ASTN2: variants seen among roughly 807,000 people sequenced by gnomAD.
ASTN2 encodes astrotactin-2.
ASTN2 carries 54 observed loss-of-function variants against 139.8 expected under a neutral mutation model. That is an observed-to-expected ratio of 0.39 (90% confidence interval 0.31 to 0.48). The LOEUF is 0.48. Ranked by LOEUF, ASTN2 falls within the 20% of genes least tolerant of loss-of-function variation. The pLI is 0.95. For synonymous variants in ASTN2, 756 were observed against 719.5 expected (o/e 1.05, Z -0.81); for missense variants, 1,565 against 1,725.1 (o/e 0.91, Z 1.64).
chr9:117,062,743 T>C (rs1839329841), intron 5 of ASTN2, among the ~76,000 whole-genome samples: 1 of 152,228 alleles, frequency 6.6e-6, no homozygotes, highest in Non-Finnish European at 1.5e-5. Flanking sequence ...GCATACTATA[T>C]AGAAATACAG....
chr9:116,638,515 T>C (rs1857178071), intron 17 of ASTN2, among the ~76,000 whole-genome samples: 2 of 144,782 alleles, frequency 1.4e-5, no homozygotes, highest in Non-Finnish European at 1.5e-5. Flanking sequence ...GGTTTTTCAA[T>C]ATGGGCTGTG....
intron 3 of ASTN2, among the ~76,000 whole-genome samples, chr9:117,176,523 T>G (rs1830921688): frequency 6.6e-6 from 1 of 152,142 alleles, no homozygotes; most frequent in South Asian, 2.1e-4. Context: ...TAAAAGTAAT[T>G]TGTAACTAAA....
chr9:117,342,788 T>C (rs904341222), intron 1 of ASTN2, among the ~76,000 whole-genome samples: 1 of 152,150 alleles, frequency 6.6e-6, no homozygotes, highest in Non-Finnish European at 1.5e-5. Flanking sequence ...GGTTAACAAA[T>C]AACAATGCGG....
chr9:117,004,229 C>T (rs1837291623), intron 7 of ASTN2, among the ~76,000 whole-genome samples: 2 of 152,034 alleles, frequency 1.3e-5, no homozygotes, highest in Admixed American at 6.6e-5. Flanking sequence ...AAGCAACCCT[C>T]CCACCTCAGC....
At chr9:117,285,684 C>G (rs555547810) in intron 2 of ASTN2, among the ~76,000 whole-genome samples, 23 of 152,168 alleles carry the variant, frequency 1.5e-4, no homozygotes, top group South Asian at 6.2e-4. Context: ...TTTGCCTGCA[C>G]AAACTCAGGG....
At chr9:116,879,482 A>G (rs1833395274) in intron 10 of ASTN2, among the ~76,000 whole-genome samples, 2 of 152,112 alleles carry the variant, frequency 1.3e-5, no homozygotes, top group African/African-American at 4.8e-5. Context: ...TGCTGAGAAA[A>G]CCAACAACTT....
intron 6 of ASTN2, among the ~76,000 whole-genome samples, chr9:117,036,264 T>C (rs772934798): frequency 6.6e-6 from 1 of 152,230 alleles, no homozygotes; most frequent in Non-Finnish European, 1.5e-5. Context: ...GATTCCATTA[T>C]GCCTGGAGAC....
intron 16 of ASTN2, among the ~76,000 whole-genome samples, chr9:116,710,721 GA>G (rs1395151932): frequency 9.4e-6 from 1 of 106,108 alleles, no homozygotes; most frequent in Non-Finnish European, 1.8e-5. Flanking sequence ...CAACAAGAGT[GA>G]AACTCCGTCT....
chr9:116,845,815 G>T (rs1227601874), intron 11 of ASTN2, among the ~76,000 whole-genome samples: 6 of 152,054 alleles, frequency 3.9e-5, no homozygotes, highest in Non-Finnish European at 5.9e-5. Context: ...CAGTATGGAG[G>T]TTCCTCAAGA....
At chr9:116,636,679 GA>G (rs991483352) in intron 17 of ASTN2, among the ~76,000 whole-genome samples, 4 of 145,944 alleles carry the variant, frequency 2.7e-5, no homozygotes, top group African/African-American at 2.5e-5. Flanking sequence ...TCATCTCAAA[GA>G]AAAAAAAAAG....
chr9:117,360,450 G>C (rs1009050276), intron 1 of ASTN2, among the ~76,000 whole-genome samples: 4 of 152,034 alleles, frequency 2.6e-5, no homozygotes, highest in Non-Finnish European at 5.9e-5. Context: ...AAACAGAAGA[G>C]ATCCAGGCAA....
At chr9:116,509,316 T>C (rs1010319887) in intron 19 of ASTN2, among the ~76,000 whole-genome samples, 5 of 152,208 alleles carry the variant, frequency 3.3e-5, no homozygotes, top group Non-Finnish European at 5.9e-5. Context: ...GCTTCATCCA[T>C]GTCCCTACAA....
intron 10 of ASTN2, among the ~76,000 whole-genome samples, chr9:116,951,955 T>C (rs1351326691): frequency 1.3e-5 from 2 of 152,220 alleles, no homozygotes; most frequent in African/African-American, 4.8e-5. Flanking sequence ...ACTTGAGTAA[T>C]GTGACTATTT....
At position 116,803,508 on chromosome 9, in the gene ASTN2, ATATATATATATATATTTTTT is replaced by A. The variant is rs1470719937; in HGVS notation, c.2396+2104_2396+2123del. On this transcript the variant is annotated intron_variant, in intron 13 of 22. Coordinates refer to ENST00000313400, the MANE Select transcript of ASTN2 (RefSeq NM_001365068.1). ...TATATATATATATATATATATATAT[ATATATATATATATATTTTTT>A]TTTTTTTTTTTTTTTAGACGGAGTC... Among the ~76,000 whole-genome samples the A allele has an allele frequency of 1.1e-3, 8 of 7,082 alleles. 1 individual carries two copies. The highest frequency in any genetic ancestry group is 5.6e-3 in the South Asian group (1 of 180). 4.6% of individuals were successfully genotyped at this position (7,082 alleles called of 152,430 possible). A position where few individuals can be genotyped will look rare whatever the true frequency, so the allele number is the denominator to read the frequency against.
At chr9:117,125,113 TG>T (rs1829654862) in intron 4 of ASTN2, among the ~76,000 whole-genome samples, 1 of 152,210 alleles carries the variant, frequency 6.6e-6, no homozygotes, top group South Asian at 2.1e-4. Flanking sequence ...TCCCTTCTAA[TG>T]GGGTTTTATA....
At chr9:116,746,439 C>T (rs1588260071) in intron 13 of ASTN2, among the ~76,000 whole-genome samples, 1 of 152,106 alleles carries the variant, frequency 6.6e-6, no homozygotes, top group East Asian at 1.9e-4. Context: ...CTCTGCCTCC[C>T]TCTTCCTCTT....
chr9:117,060,462 AAGG>A (rs200149861), intron 5 of ASTN2, among the ~76,000 whole-genome samples: 27,700 of 90,546 alleles, frequency 0.31, 6,779 homozygotes, highest in East Asian at 0.45. Flanking sequence ...GAAAGAAAGG[AAGG>A]AAGGAAGGAA....
At chr9:116,799,405 A>G (rs1830782483) in intron 13 of ASTN2, among the ~76,000 whole-genome samples, 1 of 152,144 alleles carries the variant, frequency 6.6e-6, no homozygotes. Flanking sequence ...CAAGATTGAA[A>G]AGTCCCTTTC....
At chr9:116,829,351 C>T (rs933252283) in intron 11 of ASTN2, among the ~76,000 whole-genome samples, 2 of 150,500 alleles carry the variant, frequency 1.3e-5, no homozygotes, top group Non-Finnish European at 3.0e-5. Flanking sequence ...GAAATAAAGC[C>T]ACATACCTAC....
Sources: gnomAD v4.1 joint callset for allele counts (sites outside exome capture counted in the v4.1 genomes callset) on GRCh38, gnomAD v4.1.1 for gene constraint, MANE v1.5 for transcripts, NCBI Gene and HGNC (gene_info 2026-07-23, HGNC 2026-07-21) for gene names.